CTNND2: variants seen among roughly 807,000 people sequenced by gnomAD.
CTNND2 encodes the protein catenin delta-2.
Under a neutral mutation model 144.4 loss-of-function variants are expected in CTNND2, and 22 were observed. That is an observed-to-expected ratio of 0.15 (90% CI 0.11 to 0.22). The LOEUF (loss-of-function observed/expected upper bound fraction) is 0.22. Among genes scored for constraint, CTNND2 ranks in the 10% least tolerant of loss-of-function variants. The pLI, the probability that CTNND2 is intolerant of heterozygous loss-of-function variation, is 1.00. For missense variants in CTNND2, 1,353 were observed against 1,618.8 expected, an observed-to-expected ratio of 0.84 and a Z score of 2.82; for synonymous variants, 751 against 695.6, an observed-to-expected ratio of 1.08 and a Z score of -1.25.
intron 1 of CTNND2, among the ~76,000 whole-genome samples, chr5:11,788,021 A>T (rs1790925921): frequency 6.6e-6 from 1 of 152,232 alleles, no homozygotes; most frequent in Non-Finnish European, 1.5e-5. Context: ...AAATCCAATG[A>T]TATTTCATTG....
chr5:11,423,627 T>A (rs550033041), intron 3 of CTNND2, among the ~76,000 whole-genome samples: 25 of 152,314 alleles, frequency 1.6e-4, no homozygotes, highest in Admixed American at 5.2e-4. Flanking sequence ...ATTATGTGCA[T>A]GAGTGTGTGA....
intron 9 of CTNND2, among the ~76,000 whole-genome samples, chr5:11,330,156 C>T (rs1295344537): frequency 6.6e-6 from 1 of 151,790 alleles, no homozygotes; most frequent in African/African-American, 2.4e-5. Flanking sequence ...GATAATCAGA[C>T]AGAAACTTGT....
intron 1 of CTNND2, among the ~76,000 whole-genome samples, chr5:11,822,160 C>T (rs996097652): frequency 1.3e-5 from 2 of 152,136 alleles, no homozygotes; most frequent in Non-Finnish European, 2.9e-5. Flanking sequence ...GAACTTGAGA[C>T]TCAGAGATAT....
intron 4 of CTNND2, 105 bp downstream of exon 4, chr5:11,411,930 T>C (rs1761571688): frequency 1.1e-6 from 1 of 912,818 alleles, no homozygotes; most frequent in Non-Finnish European, 1.8e-6. Flanking sequence ...ACTATCGGGA[T>C]GTTTTCCTAT....
intron 13 of CTNND2, among the ~76,000 whole-genome samples, chr5:11,116,888 T>C (rs190027229): frequency 1.2e-4 from 19 of 152,062 alleles, no homozygotes; most frequent in African/African-American, 4.1e-4. Flanking sequence ...TAAAACCCGA[T>C]CTCTACTAAA....
intron 9 of CTNND2, among the ~76,000 whole-genome samples, chr5:11,278,684 A>C (rs978903402): frequency 3.9e-5 from 6 of 152,212 alleles, no homozygotes; most frequent in Non-Finnish European, 5.9e-5. Context: ...TGTGTGCATC[A>C]TTGCAATACA....
intron 3 of CTNND2, among the ~76,000 whole-genome samples, chr5:11,515,556 C>G (rs1772090907): frequency 6.6e-6 from 1 of 152,162 alleles, no homozygotes; most frequent in South Asian, 2.1e-4. Flanking sequence ...CATCCCATAA[C>G]ATATCTTTGA....
chr5:11,319,004 C>A (rs1751776928), intron 9 of CTNND2, among the ~76,000 whole-genome samples: 1 of 151,962 alleles, frequency 6.6e-6, no homozygotes, highest in Non-Finnish European at 1.5e-5. Context: ...GTATATTTAA[C>A]TCAAATTACT....
chr5:11,404,696 C>T (rs1200512590), intron 5 of CTNND2, among the ~76,000 whole-genome samples: 1 of 134,624 alleles, frequency 7.4e-6, no homozygotes, highest in East Asian at 2.5e-4. Flanking sequence ...TGGCTCACTG[C>T]AACCTCTGCT....
At chr5:11,527,190 T>G (rs191973453) in intron 3 of CTNND2, among the ~76,000 whole-genome samples, 2 of 152,246 alleles carry the variant, frequency 1.3e-5, no homozygotes, top group East Asian at 3.9e-4. Flanking sequence ...ACACTGAATT[T>G]TATACTTAAA....
intron 2 of CTNND2, among the ~76,000 whole-genome samples, chr5:11,711,173 A>G (rs1786008441): frequency 6.6e-6 from 1 of 152,034 alleles, no homozygotes; most frequent in Non-Finnish European, 1.5e-5. Flanking sequence ...CTCCTGCTTA[A>G]GTCTCTGGAG....
intron 2 of CTNND2, among the ~76,000 whole-genome samples, chr5:11,713,774 T>G (rs941797038): frequency 2.6e-5 from 4 of 152,108 alleles, no homozygotes; most frequent in African/African-American, 9.7e-5. Flanking sequence ...TTCTGCAAAT[T>G]TCTTAGGGTA....
At chr5:11,348,437 C>CAAA (rs3034056) in intron 8 of CTNND2, among the ~76,000 whole-genome samples, 20 of 114,712 alleles carry the variant, frequency 1.7e-4, no homozygotes, top group Admixed American at 6.5e-4. Flanking sequence ...AAATCAAGGG[C>CAAA]AAAAAAAAAA....
intron 16 of CTNND2, among the ~76,000 whole-genome samples, chr5:11,078,480 G>A (rs550448721): frequency 2.8e-4 from 42 of 152,252 alleles, no homozygotes; most frequent in African/African-American, 7.2e-4. Flanking sequence ...TAAAGGTTTC[G>A]TTGAACACAG....
At chr5:11,275,787 T>A (rs539822325) in intron 9 of CTNND2, among the ~76,000 whole-genome samples, 2 of 152,346 alleles carry the variant, frequency 1.3e-5, no homozygotes, top group Admixed American at 1.3e-4. Context: ...AGGATTCTAT[T>A]TTGTGCCAAT....
chr5:11,477,551 A>T (rs1767872711), intron 3 of CTNND2, among the ~76,000 whole-genome samples: 1 of 152,010 alleles, frequency 6.6e-6, no homozygotes, highest in African/African-American at 2.4e-5. Flanking sequence ...AGCTGGAACT[A>T]CAAGTTCACA....
At chr5:11,750,510 C>T (rs1393462456) in intron 1 of CTNND2, among the ~76,000 whole-genome samples, 5 of 151,832 alleles carry the variant, frequency 3.3e-5, no homozygotes, top group Non-Finnish European at 7.4e-5. Context: ...GTCCAGAGTG[C>T]ATGACGGGGG....
At chr5:11,452,592 T>TA (rs1275349700) in intron 3 of CTNND2, among the ~76,000 whole-genome samples, 1 of 152,172 alleles carries the variant, frequency 6.6e-6, no homozygotes, top group Non-Finnish European at 1.5e-5. Context: ...TATAATTTTT[T>TA]AAAAATCAAA....
intron 19 of CTNND2, among the ~76,000 whole-genome samples, chr5:10,992,011 G>C (rs573951862): frequency 6.6e-6 from 1 of 152,174 alleles, no homozygotes; most frequent in Non-Finnish European, 1.5e-5. Context: ...TCGGCCTCCC[G>C]GGTTCAAGTG....
Sources: allele counts gnomAD v4.1 joint callset (sites outside exome capture counted in the v4.1 genomes callset), GRCh38; gene constraint gnomAD v4.1.1; transcripts MANE v1.5; gene names NCBI Gene and HGNC (gene_info 2026-07-23, HGNC 2026-07-21).